The following TMEM244 variants were observed in gnomAD, a reference collection of about 807,000 sequenced individuals.
TMEM244 encodes putative transmembrane protein 244.
In TMEM244, 13 loss-of-function variants were observed where a neutral mutation model predicts 15.8. The observed-to-expected ratio is 0.82, with a 90% CI of 0.53 to 1.30. The LOEUF (loss-of-function observed/expected upper bound fraction) is 1.30. Ranked by LOEUF, TMEM244 falls within the 50% of genes most tolerant of loss-of-function variation. TMEM244 has a pLI of 0.00. For synonymous variants in TMEM244, 45 were observed against 48.7 expected (o/e 0.92, Z 0.32); for missense variants, 161 against 144.9 (o/e 1.11, Z -0.57).
At chr6:129,860,590 G>C (rs1039351352) in intron 1 of TMEM244, among the ~76,000 whole-genome samples, 1 of 152,102 alleles carries the variant, frequency 6.6e-6, no homozygotes, top group Non-Finnish European at 1.5e-5. Context: ...CCTAAAGCCT[G>C]TATGAATTTA....
intron 3 of TMEM244, among the ~76,000 whole-genome samples, chr6:129,843,171 G>T (rs934876246): frequency 3.1e-4 from 47 of 152,006 alleles, no homozygotes; most frequent in African/African-American, 1.1e-3. Context: ...GAACTCTTTT[G>T]CTGTATTTAA....
chr6:129,855,502 A>G (rs1472723777), intron 1 of TMEM244, among the ~76,000 whole-genome samples: 1 of 152,184 alleles, frequency 6.6e-6, no homozygotes, highest in African/African-American at 2.4e-5. Context: ...CAAAACTATT[A>G]CTACACACAA....
intron 1 of TMEM244, among the ~76,000 whole-genome samples, chr6:129,853,190 G>A (rs190723457): frequency 4.6e-5 from 7 of 152,162 alleles, no homozygotes; most frequent in Non-Finnish European, 7.4e-5. Flanking sequence ...TTTCCTTTGT[G>A]TTCACTCTCC....
intron 3 of TMEM244, among the ~76,000 whole-genome samples, chr6:129,839,568 G>C (rs932269050): frequency 6.6e-6 from 1 of 152,214 alleles, no homozygotes; most frequent in African/African-American, 2.4e-5. Flanking sequence ...AATGTTGGAA[G>C]TTCTGGCCAG....
chr6:129,836,736 C>T (rs1277236827), intron 3 of TMEM244, among the ~76,000 whole-genome samples: 4 of 152,072 alleles, frequency 2.6e-5, no homozygotes, highest in Non-Finnish European at 5.9e-5. Context: ...GTTAAATGAC[C>T]TGATGGAGCT....
At chr6:129,838,454 A>C (rs940651006) in intron 3 of TMEM244, among the ~76,000 whole-genome samples, 4 of 152,252 alleles carry the variant, frequency 2.6e-5, no homozygotes, top group Non-Finnish European at 5.9e-5. Flanking sequence ...AGGGAAATTT[A>C]TAGCACTAAA....
chr6:129,845,897 A>T lies in TMEM244; in HGVS notation c.34-45T>A, dbSNP rs773409885. ...GAGGTCCAAGAGCCTGGGATTTTTC[A>T]CATGGTCTTTGGTAACTATTTTGAC... On this transcript the variant is annotated intron_variant, in intron 1 of 4. Coordinates refer to ENST00000368143, the MANE Select transcript of TMEM244 (RefSeq NM_001010876.2). 3.1e-6 allele frequency: 4 copies of T among 1,305,672 alleles called. No individual in the cohort carries two copies. The African/African-American group carries it at 4.4e-5, about 14-fold the overall frequency. 80.9% of individuals were successfully genotyped at this position (1,305,672 alleles called of 1,614,324 possible).
chr6:129,837,155 T>G (rs1344384119), intron 3 of TMEM244, among the ~76,000 whole-genome samples: 1 of 152,030 alleles, frequency 6.6e-6, no homozygotes, highest in East Asian at 1.9e-4. Context: ...AGGGAAAAAA[T>G]GTTAAGGGCA....
At chr6:129,859,303 T>C (rs1436300049) in intron 1 of TMEM244, among the ~76,000 whole-genome samples, 1 of 152,246 alleles carries the variant, frequency 6.6e-6, no homozygotes, top group Non-Finnish European at 1.5e-5. Context: ...CAATAGATAA[T>C]ACTTTCTCTC....
intron 1 of TMEM244, among the ~76,000 whole-genome samples, chr6:129,847,291 G>C (rs951231937): frequency 2.0e-5 from 3 of 152,090 alleles, no homozygotes; most frequent in African/African-American, 7.2e-5. Context: ...AGTTTACTCA[G>C]TTTATTCTTG....
At chr6:129,831,581 T>C (rs1365963959) in intron 4 of TMEM244, among the ~76,000 whole-genome samples, 195 bp from the exon 5 acceptor site, 1 of 152,188 alleles carries the variant, frequency 6.6e-6, no homozygotes, top group Non-Finnish European at 1.5e-5. Context: ...TTTACAACTC[T>C]TCTCCTAGAA....
chr6:129,846,163 A>G (rs1281772139), intron 1 of TMEM244, among the ~76,000 whole-genome samples: 1 of 152,218 alleles, frequency 6.6e-6, no homozygotes, highest in East Asian at 1.9e-4. Context: ...TTTCATTTCA[A>G]TCCAAAATAA....
intron 1 of TMEM244, among the ~76,000 whole-genome samples, chr6:129,852,676 C>T (rs1169638402): frequency 6.6e-6 from 1 of 152,108 alleles, no homozygotes; most frequent in Non-Finnish European, 1.5e-5. Context: ...TGCCTACTGG[C>T]AAGGAGAAAC....
chr6:129,852,125 CAAGATTGAATAGTTGATAATTTTG>C (rs1188088445), intron 1 of TMEM244, among the ~76,000 whole-genome samples: 1 of 151,990 alleles, frequency 6.6e-6, no homozygotes, highest in African/African-American at 2.4e-5. Flanking sequence ...GAAGATGAAA[CAAGATTGAATAGTTGATAATTTTG>C]AAGCTAAGTG....
intron 2 of TMEM244, 37 bp downstream of exon 2, chr6:129,845,730 G>A: frequency 7.0e-7 from 1 of 1,437,908 alleles, no homozygotes; most frequent in Non-Finnish European, 9.8e-7. Flanking sequence ...TTCAATGTTA[G>A]CTTTTTAATT....
At position 129,845,667 on chromosome 6, in the gene TMEM244, C is replaced by A. The variant is rs575985178; in HGVS notation, c.119+100G>T. ...GAAACTATGTCTTTAAAAAAATCCA[C>A]ATCCTCTAATCCATAAAGACATATG... On this transcript the variant is annotated intron_variant, in intron 2 of 4. Coordinates refer to ENST00000368143, the MANE Select transcript of TMEM244 (RefSeq NM_001010876.2). 2.0e-5 allele frequency: 18 copies of A among 909,808 alleles called. No homozygotes were observed. The African/African-American group carries it at 2.9e-4, about 15-fold the overall frequency. The allele number at this position is 909,808 out of a possible 1,614,324, so 56.4% of individuals were successfully genotyped here.
intron 1 of TMEM244, among the ~76,000 whole-genome samples, chr6:129,856,044 C>A (rs956098669): frequency 1.2e-4 from 18 of 151,928 alleles, no homozygotes; most frequent in African/African-American, 4.3e-4. Flanking sequence ...CCTTTCTTAC[C>A]CTTGAACTTA....
Position 129,833,464 on chromosome 6 carries a change from T to C in TMEM244, c.315A>G (p.Ser105=), listed in dbSNP as rs1776358582. The C allele has an allele frequency of 1.2e-6, 2 of 1,611,136 alleles. No homozygotes were observed. The highest frequency in any genetic ancestry group is 1.7e-6 in the Non-Finnish European group (2 of 1,179,058). ...CTGTTATTTTATTCTGCTTACCAGT[T>C]GAAGTGATGGCAACATGAAGAATAG... ...SVTILHVAIT[S]TVMLEFPLTS... is the part of the protein sequence containing the mutation. Residue 105 remains serine (S), a synonymous_variant, in exon 4 of 5, where the codon TCA becomes TCG. Transcript: ENST00000368143.
chr6:129,834,952 TTTTAG>T (rs1776382373), intron 3 of TMEM244, among the ~76,000 whole-genome samples: 2 of 152,230 alleles, frequency 1.3e-5, no homozygotes, highest in Admixed American at 6.5e-5. Context: ...GAGATAGTGA[TTTTAG>T]TCTTGTACAA....
Sources: allele counts gnomAD v4.1 joint callset (sites outside exome capture counted in the v4.1 genomes callset), GRCh38; gene constraint gnomAD v4.1.1; transcripts MANE v1.5; gene names NCBI Gene and HGNC (gene_info 2026-07-23, HGNC 2026-07-21).